CHRM2: variants seen among roughly 807,000 people sequenced by gnomAD.
CHRM2 encodes cholinergic receptor muscarinic 2.
Under a neutral mutation model 25.0 loss-of-function variants are expected in CHRM2, and 8 were observed. The observed-to-expected ratio is 0.32, with a 90% CI of 0.19 to 0.58. CHRM2 has a LOEUF of 0.58. CHRM2 is among the 20% of genes least tolerant of loss of function. The pLI, the probability that CHRM2 is intolerant of heterozygous loss-of-function variation, is 0.88. For synonymous variants in CHRM2, 202 were observed against 205.7 expected (o/e 0.98, Z 0.15); for missense variants, 440 against 567.1 (o/e 0.78, Z 2.28).
At chr7:136,955,645 G>A (rs1351378289) in intron 2 of CHRM2, among the ~76,000 whole-genome samples, 1 of 152,156 alleles carries the variant, frequency 6.6e-6, no homozygotes, top group Non-Finnish European at 1.5e-5. Context: ...GCCCTTCCAA[G>A]CAGTTGGAGT....
At chr7:136,994,617 T>C (rs1584894212) in intron 3 of CHRM2, among the ~76,000 whole-genome samples, 1 of 139,544 alleles carries the variant, frequency 7.2e-6, no homozygotes, top group African/African-American at 2.6e-5. Flanking sequence ...CGCAACCTCC[T>C]CCTCGTGGGT....
At chr7:136,905,855 A>AT (rs1797508270) in intron 2 of CHRM2, among the ~76,000 whole-genome samples, 1 of 151,424 alleles carries the variant, frequency 6.6e-6, no homozygotes, top group East Asian at 1.9e-4. Context: ...ATCAATACAT[A>AT]TTTTTAAATT....
intron 2 of CHRM2, among the ~76,000 whole-genome samples, chr7:136,910,712 G>GT (rs1797794768): frequency 1.3e-5 from 2 of 151,622 alleles, no homozygotes; most frequent in East Asian, 3.9e-4. Context: ...TAAAATCGTT[G>GT]TTGCTACTTT....
Position 137,015,968 on chromosome 7 carries a change from T to C in CHRM2, c.1103T>C (p.Met368Thr), listed in dbSNP as rs760460971. ...QNIVARKIVK[M>T]TKQPAKKKPP... ...ATTGTAGCCCGCAAGATTGTGAAGA[T>C]GACTAAGCAGCCTGCAAAAAAGAAG... Residue 368 changes from methionine (M) to threonine (T), a missense_variant, in exon 4 of 4, where the codon ATG (methionine) becomes ACG (threonine). Physicochemically the swap from Met to Thr is moderately conservative, Grantham distance 81 (BLOSUM62 -1). Coordinates refer to ENST00000680005, the MANE Select transcript of CHRM2 (RefSeq NM_001006630.2). The surrounding 1 kb of genome is among the most constrained non-coding windows in gnomAD (Gnocchi z 5.1). 1 of 1,613,102 alleles carries C rather than the reference T, an allele frequency of 6.2e-7. No homozygotes were observed. The highest frequency in any genetic ancestry group is 1.7e-5 in the Admixed American group (1 of 59,906).
intron 3 of CHRM2, among the ~76,000 whole-genome samples, chr7:137,012,549 A>G (rs927811563): frequency 6.6e-6 from 1 of 152,008 alleles, no homozygotes; most frequent in Non-Finnish European, 1.5e-5. Context: ...TCTATGTCTC[A>G]CTATGATTAT....
intron 2 of CHRM2, among the ~76,000 whole-genome samples, chr7:136,894,550 T>G (rs1796816890): frequency 6.6e-6 from 1 of 152,038 alleles, no homozygotes; most frequent in Non-Finnish European, 1.5e-5. Flanking sequence ...TTTTGTATTT[T>G]TAGTGGAGAC....
chr7:136,968,557 T>C (rs761487932), intron 2 of CHRM2, among the ~76,000 whole-genome samples: 1 of 151,788 alleles, frequency 6.6e-6, no homozygotes, highest in Non-Finnish European at 1.5e-5. Context: ...TATCAGTATG[T>C]TGAAGAGATA....
intron 2 of CHRM2, among the ~76,000 whole-genome samples, chr7:136,893,361 G>A (rs1427631463): frequency 6.6e-6 from 1 of 152,126 alleles, no homozygotes; most frequent in African/African-American, 2.4e-5. Context: ...GGAAAGACTC[G>A]CTAGAACAGT....
chr7:136,903,767 A>T (rs1309396619), intron 2 of CHRM2, among the ~76,000 whole-genome samples: 1 of 151,936 alleles, frequency 6.6e-6, no homozygotes, highest in Non-Finnish European at 1.5e-5. Flanking sequence ...ATGCTGAAAC[A>T]GTCATTCTTG....
intron 2 of CHRM2, among the ~76,000 whole-genome samples, chr7:136,966,451 TAAG>T (rs1167568475): frequency 2.0e-5 from 3 of 151,938 alleles, no homozygotes; most frequent in Admixed American, 6.6e-5. Flanking sequence ...TGAGGGTCAC[TAAG>T]GTTTTCTTTT....
At chr7:136,931,090 A>G (rs1031628108) in intron 2 of CHRM2, among the ~76,000 whole-genome samples, 1 of 152,074 alleles carries the variant, frequency 6.6e-6, no homozygotes, top group South Asian at 2.1e-4. Flanking sequence ...CTAGTTTTCA[A>G]TGGCTTAGAT....
intron 2 of CHRM2, among the ~76,000 whole-genome samples, chr7:136,874,612 G>T (rs961296432): frequency 8.2e-6 from 1 of 121,686 alleles, no homozygotes; most frequent in African/African-American, 3.2e-5. Context: ...AGCTTTCACT[G>T]AATGATGCCC....
At chr7:137,007,813 C>T (rs529404113) in intron 3 of CHRM2, among the ~76,000 whole-genome samples, 1 of 152,078 alleles carries the variant, frequency 6.6e-6, no homozygotes, top group Non-Finnish European at 1.5e-5. Flanking sequence ...AAACTGTGTA[C>T]AATTGAACCT....
chr7:136,877,920 G>A lies in CHRM2; in HGVS notation c.-125+8502G>A, dbSNP rs1360924856. Among the ~76,000 whole-genome samples, 3 of 152,022 alleles carry A rather than the reference G, an allele frequency of 2.0e-5. No homozygotes were observed. The East Asian group carries it at 5.8e-4, about 29-fold the overall frequency. ...AATTAACTACCAAGGAACTCTTTAG[G>A]AGGAATGTGATCGTGAGCTAAATAA... On this transcript the variant is annotated intron_variant, in intron 2 of 3. Transcript: ENST00000680005.
chr7:136,966,704 A>G (rs1801436942), intron 2 of CHRM2, among the ~76,000 whole-genome samples: 2 of 143,944 alleles, frequency 1.4e-5, no homozygotes, highest in South Asian at 4.6e-4. Flanking sequence ...GTCTATAAGT[A>G]TAACTTGCCT....
chr7:136,894,249 T>C (rs1210927981), intron 2 of CHRM2, among the ~76,000 whole-genome samples: 1 of 152,238 alleles, frequency 6.6e-6, no homozygotes, highest in African/African-American at 2.4e-5. Flanking sequence ...TCATAATGGA[T>C]ATATAAAGGG....
chr7:136,902,301 T>C (rs775682037), intron 2 of CHRM2: 1 of 151,974 alleles, frequency 6.6e-6, no homozygotes, highest in Non-Finnish European at 1.5e-5. Flanking sequence ...TTGCTAGTTA[T>C]TAAGATAATC....
chr7:136,898,456 C>T (rs1216616449), intron 2 of CHRM2, among the ~76,000 whole-genome samples: 10 of 151,894 alleles, frequency 6.6e-5, no homozygotes, highest in Admixed American at 6.6e-4. Context: ...ATTGTTAAGT[C>T]TCTAAGACTG....
At chr7:136,913,224 G>A (rs572047895) in intron 2 of CHRM2, among the ~76,000 whole-genome samples, 2 of 151,822 alleles carry the variant, frequency 1.3e-5, no homozygotes, top group Admixed American at 1.3e-4. Flanking sequence ...ATGCCTTTGA[G>A]CATCTTCTTT....
Sources: allele counts gnomAD v4.1 joint callset (sites outside exome capture counted in the v4.1 genomes callset), GRCh38; gene constraint gnomAD v4.1.1; non-coding constraint Gnocchi (gnomAD v3.1); transcripts MANE v1.5; gene names NCBI Gene and HGNC (gene_info 2026-07-23, HGNC 2026-07-21).